TEX10: variants seen among roughly 807,000 people sequenced by gnomAD.
TEX10 encodes the protein testis expressed 10.
In TEX10, 24 loss-of-function variants were observed where a neutral mutation model predicts 104.4. That is an observed-to-expected ratio of 0.23 (90% confidence interval 0.17 to 0.32). The LOEUF (loss-of-function observed/expected upper bound fraction) is 0.32, where lower values mean the gene tolerates loss of function less well. Ranked by LOEUF, TEX10 falls within the 10% of genes least tolerant of loss-of-function variation. TEX10 has a pLI of 1.00. For synonymous variants in TEX10, 396 were observed against 393.4 expected (o/e 1.01, Z -0.08); for missense variants, 921 against 1,083.9 (o/e 0.85, Z 2.11).
chr9:100,304,991 T>C (rs1564200798), intron 13 of TEX10: 1 of 152,138 alleles, frequency 6.6e-6, no homozygotes, highest in South Asian at 2.1e-4. Flanking sequence ...TCAATAAACA[T>C]GGTGTTTTTC....
rs1427657108 is a variant in TEX10, at chr9:100,346,750, G to T, written c.837C>A (p.Ile279=). Reference sequence around the variant, plus strand: ...GTGAACCCCCATTTTCATAAACCTGGATGTGTTGCTGGTCGTTGGCATGTT... The same window carrying T: ...GTGAACCCCCATTTTCATAAACCTGTATGTGTTGCTGGTCGTTGGCATGTT... ...WKEHANDQQH[I]QVYENGGSQP... The change falls in exon 3 of 15, where the codon ATC becomes ATA. Residue 279 remains isoleucine (I), a synonymous_variant. Transcript: ENST00000374902. The T allele has an allele frequency of 1.2e-6, 2 of 1,614,040 alleles. No individual in the cohort carries two copies. The highest frequency in any genetic ancestry group is 1.7e-6 in the Non-Finnish European group (2 of 1,180,018).
intron 11 of TEX10, among the ~76,000 whole-genome samples, chr9:100,319,170 C>T (rs920659261): frequency 3.3e-5 from 5 of 151,862 alleles, no homozygotes; most frequent in South Asian, 2.1e-4. Flanking sequence ...CCAGCCTGGG[C>T]GACAAAAGCG....
intron 1 of TEX10, among the ~76,000 whole-genome samples, chr9:100,351,207 G>A (rs1045321135): frequency 2.0e-5 from 3 of 152,076 alleles, no homozygotes; most frequent in African/African-American, 7.2e-5. Flanking sequence ...AAGTTGAAAA[G>A]GGATTCATTC....
chr9:100,349,248 T>A lies in TEX10; in HGVS notation c.116A>T (p.His39Leu). The A allele has an allele frequency of 6.2e-7, 1 of 1,605,116 alleles. No homozygotes were observed. Among genetic ancestry groups the A allele is most frequent in the Non-Finnish European group, 8.5e-7 (1 of 1,177,550 alleles). The change falls in exon 2 of 15, where the codon CAT becomes CTT. Residue 39 changes from histidine (H) to leucine (L), a missense_variant. His to Leu is a moderately conservative substitution (Grantham distance 99). This residue lies in a region of TEX10 where 118 missense variants were observed against 111.3 expected (regional missense o/e 1.06). Transcript: ENST00000374902. ...TPTNFKTKTI[H>L]LPEQLKEDGT... The stretch of plus-strand genomic sequence containing the variant: ...ATCCTCTTTGAGTTGCTCAGGCAGA[T>A]GTATAGTCTTTGTTTTAAAGTTTGT...
chr9:100,340,222 T>A, intron 5 of TEX10, 35 bp downstream of exon 5: 1 of 1,350,816 alleles, frequency 7.4e-7, no homozygotes, highest in East Asian at 2.6e-5. Flanking sequence ...TTAAACAGCT[T>A]TTCAAGGTTA....
At chr9:100,352,557 C>G in intron 1 of TEX10, 1 of 1,542,104 alleles carries the variant, frequency 6.5e-7, no homozygotes, top group Non-Finnish European at 8.7e-7. Context: ...GCCCAGTCAC[C>G]TGAAGCTCCG....
At chr9:100,349,078 G>T in intron 2 of TEX10, 106 bp downstream of exon 2, 1 of 940,252 alleles carries the variant, frequency 1.1e-6, no homozygotes, top group Non-Finnish European at 1.5e-6. Flanking sequence ...TAAGACCCTA[G>T]GCAAACTATT....
At chr9:100,334,400 C>T (rs1834954500) in intron 5 of TEX10, among the ~76,000 whole-genome samples, 1 of 152,058 alleles carries the variant, frequency 6.6e-6, no homozygotes, top group African/African-American at 2.4e-5. Flanking sequence ...ATAATATTAA[C>T]CCTGCTAAAA....
intron 13 of TEX10, chr9:100,306,185 CGAA>C (rs1834139150): frequency 6.6e-6 from 1 of 151,828 alleles, no homozygotes; most frequent in Admixed American, 6.6e-5. Context: ...TTTTAAGAGA[CGAA>C]GACAGAATAA....
chr9:100,337,465 G>A (rs1284149139), intron 5 of TEX10, among the ~76,000 whole-genome samples: 1 of 152,138 alleles, frequency 6.6e-6, no homozygotes, highest in African/African-American at 2.4e-5. Flanking sequence ...GAGAGTTCAT[G>A]GATTTTCTGA....
chr9:100,333,260 G>A (rs1412528173), intron 5 of TEX10, among the ~76,000 whole-genome samples: 2 of 152,014 alleles, frequency 1.3e-5, no homozygotes, highest in Non-Finnish European at 1.5e-5. Flanking sequence ...CACTGTGCCC[G>A]GACAACATCC....
At chr9:100,314,095 T>C (rs577596723) in intron 11 of TEX10, among the ~76,000 whole-genome samples, 105 of 150,562 alleles carry the variant, frequency 7.0e-4, no homozygotes, top group Non-Finnish European at 9.0e-4. Context: ...TTTTCTTTTT[T>C]TTTTTTTTTT....
At chr9:100,309,572 ACAG>A (rs1834222939) in intron 12 of TEX10, among the ~76,000 whole-genome samples, 1 of 152,206 alleles carries the variant, frequency 6.6e-6, no homozygotes, top group African/African-American at 2.4e-5. Flanking sequence ...TGGAAGTTTG[ACAG>A]CAGGGAGAAA....
chr9:100,313,823 C>T (rs1247983412), intron 11 of TEX10, among the ~76,000 whole-genome samples: 1 of 145,244 alleles, frequency 6.9e-6, no homozygotes, highest in African/African-American at 2.6e-5. Flanking sequence ...CCGGCTTGGG[C>T]GACAGAGTGA....
At chr9:100,310,253 T>C in intron 12 of TEX10, 46 bp downstream of exon 12, 1 of 1,495,804 alleles carries the variant, frequency 6.7e-7, no homozygotes, top group Non-Finnish European at 9.3e-7. Flanking sequence ...TTCTAACCAA[T>C]GCATCCTGTG....
chr9:100,302,599 C>G (rs1834018070), intron 14 of TEX10, among the ~76,000 whole-genome samples: 1 of 152,214 alleles, frequency 6.6e-6, no homozygotes, highest in African/African-American at 2.4e-5. Flanking sequence ...ACCCTTGCCT[C>G]TCCCTCTTGC....
chr9:100,315,278 A>T (rs995762671), intron 11 of TEX10, among the ~76,000 whole-genome samples: 2 of 152,176 alleles, frequency 1.3e-5, no homozygotes, highest in Non-Finnish European at 2.9e-5. Context: ...AGGTCCACTT[A>T]GTCTAAAGTT....
At chr9:100,329,838 G>T in intron 6 of TEX10, 93 bp downstream of exon 6, 2 of 1,066,018 alleles carry the variant, frequency 1.9e-6, no homozygotes, top group South Asian at 1.5e-5. Context: ...CTGACTACAT[G>T]GAATGTTTAC....
chr9:100,352,409 G>A lies in TEX10; in HGVS notation c.-10+363C>T, dbSNP rs762585243. 2.6e-6 allele frequency: 4 copies of A among 1,551,722 alleles called. No individual in the cohort carries two copies. The South Asian group carries it at 4.8e-5, about 18-fold the overall frequency. On this transcript the variant is annotated intron_variant, in intron 1 of 14. Transcript: ENST00000374902. ...ATTCGGTCCTGCATCCATCCCAGAG[G>A]CGAACACACCATGGGTTTTAGGAAA...
Sources: allele counts gnomAD v4.1 joint callset (sites outside exome capture counted in the v4.1 genomes callset), GRCh38; gene constraint gnomAD v4.1.1; regional missense constraint gnomAD v4.1.1; transcripts MANE v1.5; gene names NCBI Gene and HGNC (gene_info 2026-07-23, HGNC 2026-07-21).